NPC1: variants seen among roughly 807,000 people sequenced by gnomAD.
NPC1 encodes Niemann-Pick C1 protein.
Under a neutral mutation model 140.4 loss-of-function variants are expected in NPC1, and 85 were observed. The ratio of observed to expected loss-of-function variants is 0.61; its 90% CI spans 0.51 to 0.72. NPC1 has a LOEUF of 0.72. Ranked by LOEUF, NPC1 falls within the 30% of genes least tolerant of loss-of-function variation. NPC1 has a pLI of 0.00. For missense variants in NPC1, 1,504 were observed against 1,623.8 expected (o/e 0.93, Z 1.27); for synonymous variants, 656 against 624.8 (o/e 1.05, Z -0.74).
chr18:23,558,662 CTAATAATAATG>C (rs1471349553), intron 6 of NPC1, among the ~76,000 whole-genome samples: 2 of 151,748 alleles, frequency 1.3e-5, no homozygotes, highest in Non-Finnish European at 2.9e-5. Flanking sequence ...TCTGGTTTAG[CTAATAATAATG>C]TAATAATAAT....
At chr18:23,574,519 C>T (rs905855436) in intron 1 of NPC1, among the ~76,000 whole-genome samples, 3 of 152,158 alleles carry the variant, frequency 2.0e-5, no homozygotes, top group Non-Finnish European at 4.4e-5. Flanking sequence ...GACCTGCACA[C>T]AGGCAAGAAG....
chr18:23,517,440 G>A (rs992091495), downstream of NPC1, among the ~76,000 whole-genome samples: 2 of 152,188 alleles, frequency 1.3e-5, no homozygotes, highest in Middle Eastern at 3.4e-3. Flanking sequence ...GAGCCACCAC[G>A]CCTGGCAGTA....
intron 3 of NPC1, 126 bp downstream of exon 3, chr18:23,571,948 T>A: frequency 2.9e-6 from 1 of 348,026 alleles, no homozygotes; most frequent in Non-Finnish European, 5.3e-6. Flanking sequence ...TATAAATATA[T>A]AATATACATA....
At chr18:23,566,451 T>C (rs2059125063) in intron 4 of NPC1, among the ~76,000 whole-genome samples, 1 of 151,950 alleles carries the variant, frequency 6.6e-6, no homozygotes, top group South Asian at 2.1e-4. Flanking sequence ...ATAAAAATAA[T>C]AATGCACTAT....
At chr18:23,555,050 A>T (rs976875353) in intron 8 of NPC1, 66 bp from the exon 9 acceptor site, 1 of 1,017,178 alleles carries the variant, frequency 9.8e-7, no homozygotes, top group African/African-American at 1.6e-5. Context: ...ATCTTGATTA[A>T]TCAGCATTGC....
Position 23,538,651 on chromosome 18 carries a change from G to A in NPC1, c.2932C>T (p.Arg978Cys), listed in dbSNP as rs28942108. ...CCTTCCGGAGTCAGAGGCCTGCAGCGAACGCAGGCAGGGTCAACCACTGGC... is the reference window on the plus strand; with the variant it reads ...CCTTCCGGAGTCAGAGGCCTGCAGCAAACGCAGGCAGGGTCAACCACTGGC... The part of the protein sequence containing the change: ...NASVVDPACV[R>C]CRPLTPEGKQ... Residue 978 changes from arginine to cysteine, a missense_variant, in exon 20 of 25, where the codon CGC becomes TGC. Transcript: ENST00000269228. The A allele has an allele frequency of 8.1e-6, 13 of 1,614,026 alleles. No individual in the cohort carries two copies. Among genetic ancestry groups the A allele is most frequent in the Non-Finnish European group, 8.5e-6 (10 of 1,179,958 alleles).
At chr18:23,519,534 T>C (rs987536260), downstream of NPC1, among the ~76,000 whole-genome samples, 1 of 150,506 alleles carries the variant, frequency 6.6e-6, no homozygotes, top group Non-Finnish European at 1.5e-5. Context: ...AAAAAAAAAA[T>C]TGGCAAAATG....
At chr18:23,551,111 T>C (rs1207589249) in intron 10 of NPC1, among the ~76,000 whole-genome samples, 1 of 152,208 alleles carries the variant, frequency 6.6e-6, no homozygotes, top group East Asian at 1.9e-4. Context: ...CAATTGGTTC[T>C]AAAGTGCTAC....
At chr18:23,560,118 C>G (rs2059016536) in intron 6 of NPC1, 113 bp downstream of exon 6, 5 of 1,267,724 alleles carry the variant, frequency 3.9e-6, no homozygotes, top group Non-Finnish European at 5.7e-6. Context: ...CAATGGTATT[C>G]ATGGAGGTAT....
At chr18:23,530,820 A>T (rs973881689), downstream of NPC1, among the ~76,000 whole-genome samples, 10 of 152,206 alleles carry the variant, frequency 6.6e-5, no homozygotes, top group African/African-American at 2.2e-4. Context: ...CTCACCGAGG[A>T]GGTGTGTTTT....
In NPC1 at chr18:23,531,649, C is replaced by T. The variant is rs2058512459; in HGVS notation, c.*553G>A. 6.2e-7 allele frequency: 1 copy of T among 1,613,266 alleles called. No individual in the cohort carries two copies. Among genetic ancestry groups the T allele is most frequent in the Non-Finnish European group, 8.5e-7 (1 of 1,179,858 alleles). ...GGGGAACACTGTGAAGAACATGTTG[C>T]TTTTTTCAAACAGATTTTTGGAGAC... On this transcript the variant is annotated 3_prime_UTR_variant, in exon 25 of 25. Transcript: ENST00000269228.
At chr18:23,563,987 G>GGTTTT (rs2059082942) in intron 4 of NPC1, among the ~76,000 whole-genome samples, 1 of 102,600 alleles carries the variant, frequency 9.7e-6, no homozygotes, top group African/African-American at 4.1e-5. Flanking sequence ...AGTAGTAAGA[G>GGTTTT]TTTTTTTTTT....
At position 23,554,972 on chromosome 18, in the gene NPC1, G is replaced by C; in HGVS notation, c.1339C>G (p.Gln447Glu). Reference sequence around the variant, plus strand: ...GCAGTAATGTTTTCGATGGCTATTTGTAAGTCAAGAACCTGAAAGAAGATT... The same window carrying C: ...GCAGTAATGTTTTCGATGGCTATTTCTAAGTCAAGAACCTGAAAGAAGATT... ...IQILHQVLDL[Q>E]IAIENITASY... is the part of the protein sequence containing the mutation. The change falls in exon 9 of 25, where the codon CAA (glutamine) becomes GAA (glutamate). Residue 447 changes from glutamine to glutamate, a missense_variant. Gln to Glu is a conservative substitution (Grantham distance 29, BLOSUM62 2). Coordinates refer to ENST00000269228, the MANE Select transcript of NPC1 (RefSeq NM_000271.5). 1 of 1,609,998 alleles carries C rather than the reference G, an allele frequency of 6.2e-7. No homozygotes were observed. Among genetic ancestry groups the C allele is most frequent in the Non-Finnish European group, 8.5e-7 (1 of 1,176,266 alleles).
At position 23,554,802 on chromosome 18, in the gene NPC1, G is replaced by C. The variant is rs2058926217; in HGVS notation, c.1509C>G (p.Phe503Leu). Reference protein sequence around the residue: ...SVLDHKKGDDFFVYADYHTHF... With the variant: ...SVLDHKKGDDLFVYADYHTHF... ...GCGTGTGGTAATCGGCATACACAAAGAAGTCGTCCCCTTTCTTGTGGTCCA... is the reference window on the plus strand; with the variant it reads ...GCGTGTGGTAATCGGCATACACAAACAAGTCGTCCCCTTTCTTGTGGTCCA... Residue 503 changes from phenylalanine to leucine, a missense_variant, in exon 9 of 25, where the codon TTC becomes TTG. By Grantham distance (22) the Phe-to-Leu change is conservative. Coordinates refer to ENST00000269228, the MANE Select transcript of NPC1 (RefSeq NM_000271.5). The C allele has an allele frequency of 6.2e-7, 1 of 1,614,016 alleles. No individual in the cohort carries two copies. The highest frequency in any genetic ancestry group is 1.3e-5 in the African/African-American group (1 of 74,922).
chr18:23,540,305 C>T (rs1285836332), intron 17 of NPC1, 143 bp downstream of exon 17: 7 of 691,010 alleles, frequency 1.0e-5, no homozygotes, highest in Non-Finnish European at 1.8e-5. Flanking sequence ...TGCACTGCGA[C>T]AGTTCTCCTA....
At chr18:23,529,459 T>C, downstream of NPC1, 8 of 1,288,312 alleles carry the variant, frequency 6.2e-6, no homozygotes, top group Non-Finnish European at 8.5e-6. Context: ...CTTCTAATGC[T>C]GAGGCCTAAA....
At chr18:23,569,983 G>A (rs1010632315) in intron 3 of NPC1, among the ~76,000 whole-genome samples, 2 of 152,164 alleles carry the variant, frequency 1.3e-5, no homozygotes, top group African/African-American at 4.8e-5. Context: ...TTTAGACTCC[G>A]ATTCAGTCCC....
At position 23,541,151 on chromosome 18, in the gene NPC1, G is replaced by C. The variant is rs2058707982; in HGVS notation, c.2431C>G (p.Gln811Glu). Residue 811 changes from glutamine (Q) to glutamate (E), a missense_variant, in exon 16 of 25, where the codon CAG becomes GAG. By Grantham distance (29) the Gln-to-Glu change is conservative. Coordinates refer to ENST00000269228, the MANE Select transcript of NPC1 (RefSeq NM_000271.5). ...VRGAEDGTSV[Q>E]ASESCLFRFF... ...CGAAACAAACAGCTCTCTGAGGCCT[G>C]GACGCTTGTTCCATCTTCAGCACCT... is the stretch of plus-strand genomic sequence containing the variant. The C allele has an allele frequency of 1.9e-6, 3 of 1,614,128 alleles. No individual in the cohort carries two copies. Among genetic ancestry groups the C allele is most frequent in the Non-Finnish European group, 2.5e-6 (3 of 1,180,010 alleles).
chr18:23,509,596 G>A (rs1291219371), intron 3 of NPC1: 3 of 154,012 alleles, frequency 1.9e-5, no homozygotes, highest in East Asian at 1.9e-4. Flanking sequence ...TTTCGCTCTT[G>A]TTGCCCAGGC....
Sources: allele counts gnomAD v4.1 joint callset (sites outside exome capture counted in the v4.1 genomes callset), GRCh38; gene constraint gnomAD v4.1.1; transcripts MANE v1.5; gene names NCBI Gene and HGNC (gene_info 2026-07-23, HGNC 2026-07-21).